ARHGAP30: variants seen among roughly 807,000 people sequenced by gnomAD.
The protein encoded by ARHGAP30 is rho GTPase-activating protein 30.
Under a neutral mutation model 72.0 loss-of-function variants are expected in ARHGAP30, and 23 were observed. The ratio of observed to expected loss-of-function variants is 0.32; its 90% CI spans 0.23 to 0.45. The LOEUF (loss-of-function observed/expected upper bound fraction) is 0.45. ARHGAP30 is among the 20% of genes least tolerant of loss of function. The probability of loss-of-function intolerance (pLI) is 1.00; values close to 1 mark genes in which losing one functional copy is unlikely to be tolerated. For synonymous variants in ARHGAP30, 576 were observed against 528.2 expected (o/e 1.09, Z -1.24); for missense variants, 1,319 against 1,383.4 (o/e 0.95, Z 0.74).
intron 9 of ARHGAP30, 71 bp from the exon 10 acceptor site, chr1:161,051,786 T>C: frequency 1.4e-6 from 2 of 1,462,682 alleles, no homozygotes; most frequent in Non-Finnish European, 1.8e-6. Flanking sequence ...TCAAGAAGGC[T>C]CTGGAGAATG....
intron 1 of ARHGAP30, among the ~76,000 whole-genome samples, chr1:161,065,889 T>TTATTTATC (rs1319094190): frequency 3.4e-5 from 5 of 146,206 alleles, no homozygotes; most frequent in African/African-American, 1.3e-4. Flanking sequence ...ATTTATTTAT[T>TTATTTATC]TATTTATTTA....
At chr1:161,065,096 T>G (rs910476520) in intron 1 of ARHGAP30, among the ~76,000 whole-genome samples, 1 of 152,198 alleles carries the variant, frequency 6.6e-6, no homozygotes, top group Non-Finnish European at 1.5e-5. Flanking sequence ...TGCCTCAGCC[T>G]CCTGAGTAGC....
At chr1:161,067,339 G>A (rs1438214944) in intron 1 of ARHGAP30, among the ~76,000 whole-genome samples, 1 of 152,128 alleles carries the variant, frequency 6.6e-6, no homozygotes, top group Admixed American at 6.5e-5. Context: ...TTGGGAGGCC[G>A]AGGCGGGTGG....
chr1:161,066,340 C>T (rs1030033177), intron 1 of ARHGAP30, among the ~76,000 whole-genome samples: 1 of 150,494 alleles, frequency 6.6e-6, no homozygotes, highest in African/African-American at 2.5e-5. Flanking sequence ...GTCTTGAGTA[C>T]CTCCTTGAGA....
chr1:161,068,274 A>G (rs1652907691), intron 1 of ARHGAP30, among the ~76,000 whole-genome samples: 1 of 152,226 alleles, frequency 6.6e-6, no homozygotes, highest in South Asian at 2.1e-4. Flanking sequence ...TAAGCCCTGC[A>G]CTGATGGCTG....
chr1:161,054,631 T>C lies in ARHGAP30; in HGVS notation c.420A>G (p.Pro140=). 6.2e-7 allele frequency: 1 copy of C among 1,614,062 alleles called. No homozygotes were observed. ...TATGGAGTGTCACATACCTGTAGTT[T>C]GGGACAGGGAGTTCCCGAAGCACCT... ...ILEVLRELPV[P]NYRTLEFLMR... is the part of the protein sequence containing the mutation. The change falls in exon 4 of 12, where the codon CCA becomes CCG. Residue 140 remains proline (P), a synonymous_variant. Coordinates refer to ENST00000368013, the MANE Select transcript of ARHGAP30 (RefSeq NM_001025598.2).
Position 161,048,599 on chromosome 1 carries a change from G to A in ARHGAP30, c.2422C>T (p.His808Tyr), listed in dbSNP as rs1382496585. Residue 808 changes from histidine (H) to tyrosine (Y), a missense_variant, in exon 12 of 12, where the codon CAT (histidine) becomes TAT (tyrosine). Transcript: ENST00000368013. ...TCTCCTTGGTCTTTTCTTGCTTCAT[G>A]GTACCCCTTCTCCCTCTGTCCTTTG... ...EDKGQREKGY[H>Y]EARKDQGDGE... 1.9e-6 allele frequency: 3 copies of A among 1,613,834 alleles called. No individual in the cohort carries two copies.
At chr1:161,059,503 T>C (rs970011918) in intron 2 of ARHGAP30, 111 bp downstream of exon 2, 8 of 881,046 alleles carry the variant, frequency 9.1e-6, no homozygotes, top group Non-Finnish European at 1.4e-5. Context: ...TGTGTTTCCT[T>C]CTCCCCACTG....
At chr1:161,052,155 G>A in intron 9 of ARHGAP30, 131 bp downstream of exon 9, 1 of 918,630 alleles carries the variant, frequency 1.1e-6, no homozygotes, top group Middle Eastern at 3.1e-4. Context: ...TTTACAATGT[G>A]GCTGGTATAT....
chr1:161,047,437 C>T lies in ARHGAP30; in HGVS notation c.*278G>A, dbSNP rs573666924. ...TAACAAACTCTTTTAAGTTTTCTGC[C>T]TACCTTATGTTCCCTTTGGCCAATG... On this transcript the variant is annotated 3_prime_UTR_variant, in exon 12 of 12. Coordinates refer to ENST00000368013, the MANE Select transcript of ARHGAP30 (RefSeq NM_001025598.2). 2.0e-4 allele frequency: 55 copies of T among 278,270 alleles called. No homozygotes were observed. In the Admixed American group the frequency reaches 2.2e-3, roughly 11 times the overall value. The allele number at this position is 278,270 out of a possible 1,614,324, so 17.2% of individuals were successfully genotyped here. A position where few individuals can be genotyped will look rare whatever the true frequency, so the allele number is the denominator to read the frequency against.
At chr1:161,064,805 AAG>A (rs1378902054) in intron 1 of ARHGAP30, among the ~76,000 whole-genome samples, 2 of 72,490 alleles carry the variant, frequency 2.8e-5, no homozygotes, top group African/African-American at 7.9e-5. Flanking sequence ...GAAAGAAAGA[AAG>A]AAAGAAAGAA....
At chr1:161,057,581 T>C (rs946400057) in intron 2 of ARHGAP30, among the ~76,000 whole-genome samples, 1 of 152,052 alleles carries the variant, frequency 6.6e-6, no homozygotes, top group Non-Finnish European at 1.5e-5. Flanking sequence ...GAGGCTGCAG[T>C]GAGCCATGAC....
In ARHGAP30 at chr1:161,053,468, CTCTCTCTCTCTCTCT is replaced by C. The variant is rs1479188182; in HGVS notation, c.537-98_537-84del. On this transcript the variant is annotated intron_variant, in intron 5 of 11. Coordinates refer to ENST00000368013, the MANE Select transcript of ARHGAP30 (RefSeq NM_001025598.2). ...TCTCCCTGAAAATACCTTATTCTCT[CTCTCTCTCTCTCTCT>C]CTCTCTCTCTCTCTCTCTCTCTCGA... 3.7e-5 allele frequency: 22 copies of C among 590,548 alleles called. No homozygotes were observed. The African/African-American group carries it at 2.0e-3, about 53-fold the overall frequency. The allele number at this position is 590,548 out of a possible 1,614,324, so 36.6% of individuals were successfully genotyped here. A position where few individuals can be genotyped will look rare whatever the true frequency, so the allele number is the denominator to read the frequency against.
chr1:161,068,131 C>T (rs1652899178), intron 1 of ARHGAP30, among the ~76,000 whole-genome samples: 1 of 151,962 alleles, frequency 6.6e-6, no homozygotes, highest in South Asian at 2.1e-4. Flanking sequence ...TGGTGGACCA[C>T]AAAAAAGGGC....
chr1:161,067,687 T>C (rs1652866863), intron 1 of ARHGAP30, among the ~76,000 whole-genome samples: 1 of 152,162 alleles, frequency 6.6e-6, no homozygotes, highest in Non-Finnish European at 1.5e-5. Flanking sequence ...GGCAAAGAGC[T>C]GGAGAGAGGG....
At chr1:161,057,664 G>A (rs1396285507) in intron 2 of ARHGAP30, among the ~76,000 whole-genome samples, 3 of 152,018 alleles carry the variant, frequency 2.0e-5, no homozygotes, top group South Asian at 2.1e-4. Flanking sequence ...AAGAACAAAA[G>A]TAACTCAAAT....
At position 161,056,516 on chromosome 1, in the gene ARHGAP30, C is replaced by T. The variant is rs758028046; in HGVS notation, c.217G>A (p.Glu73Lys). The change falls in exon 3 of 12, where the codon GAG (glutamate) becomes AAG (lysine). Residue 73 changes from glutamate to lysine, a missense_variant. Transcript: ENST00000368013. ...IQKLRQEFES[E>K]RKPDLRRDVY... ...TCCCGACGCAGGTCTGGCTTCCGCT[C>T]TGACTCAAATTCCTGCCTGGGGAGG... The T allele has an allele frequency of 6.2e-7, 1 of 1,613,636 alleles. No homozygotes were observed. The highest frequency in any genetic ancestry group is 8.5e-7 in the Non-Finnish European group (1 of 1,179,952).
intron 1 of ARHGAP30, among the ~76,000 whole-genome samples, chr1:161,061,447 C>CCAGCTAATTTT (rs1170798581): frequency 8.4e-4 from 126 of 149,490 alleles, no homozygotes; most frequent in Non-Finnish European, 1.1e-3. Context: ...GCCACCGCGC[C>CCAGCTAATTTT]TGACCTGCTT....
chr1:161,061,736 A>C (rs1045503059), intron 1 of ARHGAP30, among the ~76,000 whole-genome samples: 1 of 152,054 alleles, frequency 6.6e-6, no homozygotes, highest in African/African-American at 2.4e-5. Context: ...ACAAAATCTA[A>C]GTGTGATCCA....
Sources: allele counts gnomAD v4.1 joint callset (sites outside exome capture counted in the v4.1 genomes callset), GRCh38; gene constraint gnomAD v4.1.1; transcripts MANE v1.5; gene names NCBI Gene and HGNC (gene_info 2026-07-23, HGNC 2026-07-21).